Variants in RGS7 observed in about 807,000 individuals in gnomAD.
The protein encoded by RGS7 is regulator of G-protein signaling 7.
A neutral mutation model predicts 81.1 loss-of-function variants in RGS7; 27 were observed. That is an observed-to-expected ratio of 0.33 (90% confidence interval 0.25 to 0.46). The LOEUF (loss-of-function observed/expected upper bound fraction) is 0.46, where lower values mean the gene tolerates loss of function less well. RGS7 is among the 20% of genes least tolerant of loss of function. The probability of loss-of-function intolerance (pLI) is 1.00; values close to 1 mark genes in which losing one functional copy is unlikely to be tolerated. For synonymous variants in RGS7, 208 were observed against 207.7 expected, an observed-to-expected ratio of 1.00 and a Z score of -0.01; for missense variants, 396 against 607.4, an observed-to-expected ratio of 0.65 and a Z score of 3.66.
At chr1:241,115,733 G>C (rs1317712468) in intron 2 of RGS7, among the ~76,000 whole-genome samples, 1 of 152,160 alleles carries the variant, frequency 6.6e-6, no homozygotes, top group African/African-American at 2.4e-5. Context: ...TGTTAGGAAT[G>C]AACTGACATG....
At chr1:241,128,465 T>G (rs2103027312) in intron 2 of RGS7, among the ~76,000 whole-genome samples, 1 of 150,466 alleles carries the variant, frequency 6.6e-6, no homozygotes, top group African/African-American at 2.4e-5. Context: ...TGCAAGCATG[T>G]AGTCCTAGCT....
intron 2 of RGS7, among the ~76,000 whole-genome samples, chr1:241,103,018 A>G (rs531871621): frequency 1.3e-5 from 2 of 152,124 alleles, no homozygotes; most frequent in African/African-American, 2.4e-5. Context: ...AGCAAAAAAA[A>G]AAAAACAGAG....
chr1:241,141,633 A>T (rs545114351), intron 2 of RGS7, among the ~76,000 whole-genome samples: 1 of 152,328 alleles, frequency 6.6e-6, no homozygotes, highest in African/African-American at 2.4e-5. Context: ...TTGAGAACTC[A>T]GTATCACAAG....
chr1:240,886,917 G>C (rs894690819), intron 6 of RGS7, among the ~76,000 whole-genome samples: 1 of 152,166 alleles, frequency 6.6e-6, no homozygotes, highest in African/African-American at 2.4e-5. Flanking sequence ...TGGCCCATGA[G>C]TTTGAAGACC....
intron 3 of RGS7, among the ~76,000 whole-genome samples, chr1:240,994,941 G>A (rs1160411478): frequency 6.6e-6 from 1 of 152,034 alleles, no homozygotes; most frequent in Non-Finnish European, 1.5e-5. Flanking sequence ...CTCCCAAAGT[G>A]CTGAGATTAA....
chr1:241,266,975 T>C (rs2077624707), intron 2 of RGS7, among the ~76,000 whole-genome samples: 1 of 152,216 alleles, frequency 6.6e-6, no homozygotes, highest in Admixed American at 6.5e-5. Context: ...ATTAAGCAAG[T>C]AAAGTCTGGG....
chr1:241,350,572 A>G (rs2083172234), intron 2 of RGS7, among the ~76,000 whole-genome samples: 1 of 152,026 alleles, frequency 6.6e-6, no homozygotes, highest in Non-Finnish European at 1.5e-5. Flanking sequence ...CTCTGCTAAC[A>G]TGTAGTAAAC....
At chr1:241,270,208 C>CTTAG (rs1010005509) in intron 2 of RGS7, among the ~76,000 whole-genome samples, 4 of 152,148 alleles carry the variant, frequency 2.6e-5, no homozygotes, top group African/African-American at 9.7e-5. Flanking sequence ...TAATCCTAAG[C>CTTAG]TTAGAGTGGC....
chr1:241,279,365 G>A (rs867857471), intron 2 of RGS7, among the ~76,000 whole-genome samples: 5 of 152,084 alleles, frequency 3.3e-5, no homozygotes, highest in South Asian at 2.1e-4. Context: ...AAGAACAAAC[G>A]TATTTTGTGT....
At chr1:241,332,473 C>T (rs188800449) in intron 2 of RGS7, among the ~76,000 whole-genome samples, 1 of 152,022 alleles carries the variant, frequency 6.6e-6, no homozygotes, top group Non-Finnish European at 1.5e-5. Flanking sequence ...GGTGTCCAAC[C>T]AAGACTTCCT....
chr1:241,245,493 A>G (rs865956710), intron 2 of RGS7, among the ~76,000 whole-genome samples: 2 of 97,784 alleles, frequency 2.0e-5, no homozygotes, highest in African/African-American at 8.7e-5. Flanking sequence ...TTTTCCTTAT[A>G]AAAAAAAAAA....
intron 2 of RGS7, among the ~76,000 whole-genome samples, chr1:241,115,213 G>A (rs185600625): frequency 5.5e-4 from 83 of 152,114 alleles, no homozygotes; most frequent in African/African-American, 1.9e-3. Flanking sequence ...TTTTCTGATG[G>A]CCATTCCCAC....
intron 2 of RGS7, among the ~76,000 whole-genome samples, chr1:241,316,601 G>A (rs2080893174): frequency 1.3e-5 from 2 of 152,272 alleles, no homozygotes; most frequent in African/African-American, 2.4e-5. Flanking sequence ...GCATCCCAAC[G>A]ACAAATCCCA....
At chr1:241,093,268 C>A (rs2064010824) in intron 3 of RGS7, among the ~76,000 whole-genome samples, 1 of 151,956 alleles carries the variant, frequency 6.6e-6, no homozygotes, top group Non-Finnish European at 1.5e-5. Flanking sequence ...AATTCAAGTT[C>A]TTTGTTGAAG....
At position 241,060,762 on chromosome 1, in the gene RGS7, G is replaced by A. The variant is rs576471982; in HGVS notation, c.175+37904C>T. 2.0e-5 allele frequency among the ~76,000 whole-genome samples: 3 copies of A among 152,272 alleles called. No homozygotes were observed. In the East Asian group the frequency reaches 5.8e-4, roughly 29 times the overall value. On this transcript the variant is annotated intron_variant, in intron 3 of 18. Transcript: ENST00000440928. ...CCCAGGGATTTGCAACCTTGGCCTG[G>A]GAATTTCCAGGAGACAAGACTACCT...
chr1:241,191,524 A>G (rs2072652373), intron 2 of RGS7, among the ~76,000 whole-genome samples: 1 of 152,180 alleles, frequency 6.6e-6, no homozygotes, highest in Non-Finnish European at 1.5e-5. Context: ...ATATTTTGTT[A>G]AAGACATTTT....
intron 2 of RGS7, among the ~76,000 whole-genome samples, chr1:241,227,080 G>A (rs933201746): frequency 2.0e-5 from 3 of 152,184 alleles, no homozygotes; most frequent in African/African-American, 4.8e-5. Flanking sequence ...TGGCTCTGAT[G>A]AGGAACTCCA....
chr1:241,333,114 A>G (rs2082061463), intron 2 of RGS7, among the ~76,000 whole-genome samples: 1 of 152,228 alleles, frequency 6.6e-6, no homozygotes, highest in Admixed American at 6.5e-5. Context: ...TGTAGTTTAG[A>G]ACAGACTTCA....
rs78816124 is a variant in RGS7 at position 241,171,508 on chromosome 1, C to T, written c.79-72746G>A. On this transcript the variant is annotated intron_variant, in intron 2 of 18. Coordinates refer to ENST00000440928, the MANE Select transcript of RGS7 (RefSeq NM_001364886.1). ...ATTTATTGAGCATTCATATGACCCA[C>T]GTTTCATAAAATAAAATGGCAGACA... is the stretch of plus-strand genomic sequence containing the variant. Among the ~76,000 whole-genome samples, 1,212 of 152,208 alleles carry T rather than the reference C, an allele frequency of 8.0e-3. 18 individuals carry two copies. Among genetic ancestry groups the T allele is most frequent in the African/African-American group, 0.028 (1,144 of 41,526 alleles).
Sources: allele counts gnomAD v4.1 joint callset (sites outside exome capture counted in the v4.1 genomes callset), GRCh38; gene constraint gnomAD v4.1.1; transcripts MANE v1.5; gene names NCBI Gene and HGNC (gene_info 2026-07-23, HGNC 2026-07-21).